CAMK2D: variants seen among roughly 807,000 people sequenced by gnomAD.
CAMK2D encodes the protein calcium/calmodulin-dependent protein kinase type II subunit delta.
In CAMK2D, 37 loss-of-function variants were observed where a neutral mutation model predicts 84.0. The ratio of observed to expected loss-of-function variants is 0.44; its 90% CI spans 0.34 to 0.58. The LOEUF is 0.58. Ranked by LOEUF, CAMK2D falls within the 20% of genes least tolerant of loss-of-function variation. The probability of loss-of-function intolerance (pLI) is 0.02; values close to 1 mark genes in which losing one functional copy is unlikely to be tolerated. For missense variants in CAMK2D, 448 were observed against 652.5 expected (o/e 0.69, Z 3.41); for synonymous variants, 202 against 212.5 (o/e 0.95, Z 0.43).
intron 3 of CAMK2D, among the ~76,000 whole-genome samples, chr4:113,626,013 C>CAA (rs111374173): frequency 1.7e-5 from 2 of 120,250 alleles, no homozygotes; most frequent in Non-Finnish European, 3.6e-5. Flanking sequence ...GATATCATCT[C>CAA]AAAAAAAAAA....
intron 16 of CAMK2D, among the ~76,000 whole-genome samples, chr4:113,491,639 A>G (rs1451147847): frequency 6.6e-6 from 1 of 152,360 alleles, no homozygotes; most frequent in East Asian, 1.9e-4. Flanking sequence ...CTTTGGTATC[A>G]GAATGATGTT....
intron 4 of CAMK2D, among the ~76,000 whole-genome samples, chr4:113,554,453 G>A (rs922707348): frequency 3.3e-5 from 5 of 152,090 alleles, no homozygotes; most frequent in African/African-American, 1.2e-4. Context: ...AATAGCTTTA[G>A]ACAAATTTGA....
rs1176494819 is a variant in CAMK2D, at chr4:113,573,182, C to A, written c.276-21086G>T. Among the ~76,000 whole-genome samples the A allele has an allele frequency of 2.6e-5, 4 of 152,146 alleles. No homozygotes were observed. In the East Asian group the frequency reaches 5.8e-4, roughly 22 times the overall value. The stretch of plus-strand genomic sequence containing the variant: ...ATGTAACAAACCTTCAAATGTACCC[C>A]CAAACCTAAAATAAAAATGGAAAGA... On this transcript the variant is annotated intron_variant, in intron 4 of 20. Coordinates refer to ENST00000511664, the MANE Select transcript of CAMK2D (RefSeq NM_001321571.2).
rs541856074 is a variant in CAMK2D, at chr4:113,592,034, A to C, written c.275+17118T>G. ...GCAAAGTTCTTTGCATATAATTAGTACTTAATAAGTATTCATTGAATGAAT... is the reference window on the plus strand; with the variant it reads ...GCAAAGTTCTTTGCATATAATTAGTCCTTAATAAGTATTCATTGAATGAAT... On this transcript the variant is annotated intron_variant, in intron 4 of 20. Transcript: ENST00000511664. Among the ~76,000 whole-genome samples the C allele has an allele frequency of 3.7e-4, 57 of 152,270 alleles. No individual in the cohort carries two copies. The South Asian group carries it at 0.012, about 32-fold the overall frequency.
intron 2 of CAMK2D, among the ~76,000 whole-genome samples, chr4:113,731,609 A>G (rs1180811007): frequency 6.9e-6 from 1 of 144,198 alleles, no homozygotes; most frequent in Admixed American, 7.0e-5. Flanking sequence ...TTTTTGAGAC[A>G]GAGTCTCACT....
At chr4:113,650,829 C>G (rs1231673650) in intron 3 of CAMK2D, among the ~76,000 whole-genome samples, 2 of 152,130 alleles carry the variant, frequency 1.3e-5, no homozygotes, top group Non-Finnish European at 2.9e-5. Flanking sequence ...TAATGAGATT[C>G]TGCACATGTA....
chr4:113,506,725 C>T (rs1034094064), intron 13 of CAMK2D, among the ~76,000 whole-genome samples: 5 of 152,272 alleles, frequency 3.3e-5, no homozygotes, highest in African/African-American at 1.2e-4. Context: ...TAGTTTTTAT[C>T]AGTGAATGCA....
At chr4:113,748,904 G>C (rs2099610799) in intron 2 of CAMK2D, among the ~76,000 whole-genome samples, 1 of 151,606 alleles carries the variant, frequency 6.6e-6, no homozygotes. Context: ...TATTTCAGAG[G>C]TATGTCTGAA....
At chr4:113,474,358 A>G (rs1036774407) in intron 16 of CAMK2D, among the ~76,000 whole-genome samples, 3 of 152,210 alleles carry the variant, frequency 2.0e-5, no homozygotes, top group Admixed American at 6.5e-5. Flanking sequence ...GCATTCTCTA[A>G]GGGTATCTCT....
At chr4:113,496,930 T>C (rs1195475607) in intron 16 of CAMK2D, among the ~76,000 whole-genome samples, 2 of 152,184 alleles carry the variant, frequency 1.3e-5, no homozygotes, top group Non-Finnish European at 2.9e-5. Context: ...CAATGAACTC[T>C]GGAAGCTTTT....
intron 17 of CAMK2D, among the ~76,000 whole-genome samples, chr4:113,462,642 C>T (rs897508500): frequency 3.9e-5 from 6 of 152,022 alleles, no homozygotes; most frequent in African/African-American, 1.4e-4. Flanking sequence ...ATTTAAAATA[C>T]CCTATTTTAA....
chr4:113,707,199 T>C (rs1436189940), intron 2 of CAMK2D, among the ~76,000 whole-genome samples: 1 of 152,162 alleles, frequency 6.6e-6, no homozygotes, highest in Admixed American at 6.5e-5. Context: ...AGTTTCTTAT[T>C]TTACTCATCA....
chr4:113,472,325 T>C (rs1226986683), intron 16 of CAMK2D, among the ~76,000 whole-genome samples: 1 of 152,194 alleles, frequency 6.6e-6, no homozygotes, highest in Non-Finnish European at 1.5e-5. Context: ...ACAATTATCA[T>C]GTATGATAGC....
At chr4:113,735,076 T>A (rs938484560) in intron 2 of CAMK2D, among the ~76,000 whole-genome samples, 1 of 151,438 alleles carries the variant, frequency 6.6e-6, no homozygotes, top group African/African-American at 2.4e-5. Context: ...CGTTTGCCTG[T>A]CCAAGAAACT....
chr4:113,626,440 T>G (rs2099068612), intron 3 of CAMK2D, among the ~76,000 whole-genome samples: 1 of 152,220 alleles, frequency 6.6e-6, no homozygotes, highest in Non-Finnish European at 1.5e-5. Flanking sequence ...TTAAATTACA[T>G]TAAAGGAAAT....
intron 16 of CAMK2D, among the ~76,000 whole-genome samples, chr4:113,477,575 A>C (rs1241402869): frequency 1.3e-5 from 2 of 151,856 alleles, no homozygotes; most frequent in Non-Finnish European, 2.9e-5. Flanking sequence ...GTAAAGCCCT[A>C]TCTCTACTAA....
At chr4:113,657,832 A>C (rs939099813) in intron 3 of CAMK2D, among the ~76,000 whole-genome samples, 1 of 152,184 alleles carries the variant, frequency 6.6e-6, no homozygotes, top group African/African-American at 2.4e-5. Flanking sequence ...CAGGGGAAAA[A>C]ATGGTCAAAA....
At chr4:113,640,684 G>C (rs972966325) in intron 3 of CAMK2D, among the ~76,000 whole-genome samples, 2 of 152,166 alleles carry the variant, frequency 1.3e-5, no homozygotes, top group African/African-American at 2.4e-5. Flanking sequence ...AATTTCTTAG[G>C]AACACATAGA....
chr4:113,603,368 C>A (rs71582189), intron 4 of CAMK2D, among the ~76,000 whole-genome samples: 7 of 114,490 alleles, frequency 6.1e-5, no homozygotes, highest in African/African-American at 2.3e-4. Context: ...CCCCCTCCCC[C>A]CTCCCCCCAC....
Sources: gnomAD v4.1 joint callset for allele counts (sites outside exome capture counted in the v4.1 genomes callset) on GRCh38, gnomAD v4.1.1 for gene constraint, MANE v1.5 for transcripts, NCBI Gene and HGNC (gene_info 2026-07-23, HGNC 2026-07-21) for gene names.